The following CYREN variants were observed in gnomAD, a reference collection of about 807,000 sequenced individuals.
CYREN encodes cell cycle regulator of NHEJ, also known as cell cycle regulator of non-homologous end joining.
CYREN carries 7 observed loss-of-function variants against 9.7 expected under a neutral mutation model. The ratio of observed to expected loss-of-function variants is 0.72; its 90% CI spans 0.41 to 1.36. The LOEUF (loss-of-function observed/expected upper bound fraction) is 1.36. Ranked by LOEUF, CYREN falls within the 40% of genes most tolerant of loss-of-function variation. The probability of loss-of-function intolerance (pLI) is 0.01; values close to 1 mark genes in which losing one functional copy is unlikely to be tolerated. For missense variants in CYREN, 215 were observed against 198.1 expected (o/e 1.09, Z -0.51); for synonymous variants, 76 against 77.9 (o/e 0.98, Z 0.13).
At chr7:135,113,198 T>G (rs1825878398) in intron 2 of CYREN, among the ~76,000 whole-genome samples, 1 of 152,240 alleles carries the variant, frequency 6.6e-6, no homozygotes, top group South Asian at 2.1e-4. Flanking sequence ...CAGATCTAGC[T>G]TAAAGCAATG....
At chr7:135,137,906 G>A (rs1324014230) in intron 2 of CYREN, among the ~76,000 whole-genome samples, 3 of 151,948 alleles carry the variant, frequency 2.0e-5, no homozygotes, top group East Asian at 1.9e-4. Context: ...ATCATCCCAC[G>A]TCTCTTCTTA....
chr7:135,167,047 C>A (rs1026204704), intron 3 of CYREN, 176 bp from the exon 4 acceptor site: 4 of 985,188 alleles, frequency 4.1e-6, no homozygotes, highest in Non-Finnish European at 4.8e-6. Context: ...TTCCCCTGAC[C>A]CCCTCTTCAC....
chr7:135,102,817 A>G (rs73153771), intron 2 of CYREN, among the ~76,000 whole-genome samples: 18,071 of 152,138 alleles, frequency 0.12, 1,205 homozygotes, highest in East Asian at 0.19. Flanking sequence ...AAAATCATAA[A>G]AACTTATAGG....
At chr7:135,130,067 AGACATTCT>A (rs906979042) in intron 2 of CYREN, among the ~76,000 whole-genome samples, 69 of 152,272 alleles carry the variant, frequency 4.5e-4, no homozygotes, top group African/African-American at 1.5e-3. Context: ...CTTCCCTCTA[AGACATTCT>A]GTTGGAGTTC....
chr7:135,099,839 A>G (rs10954483), intron 2 of CYREN: 65,193 of 148,024 alleles, frequency 0.44, 14,963 homozygotes, highest in East Asian at 0.78. Context: ...ATCTAGTTAG[A>G]TATTTATTTC....
At chr7:135,161,603 G>A (rs746238866), downstream of CYREN, among the ~76,000 whole-genome samples, 4 of 152,096 alleles carry the variant, frequency 2.6e-5, no homozygotes, top group African/African-American at 7.2e-5. This position sits in a 1 kb window ranked among gnomAD's most constrained non-coding sequence, Gnocchi z 4.1. Context: ...TGTTCCCGTC[G>A]GCAATTTTTC....
intron 2 of CYREN, among the ~76,000 whole-genome samples, chr7:135,127,494 A>G (rs976366103): frequency 6.6e-6 from 1 of 151,942 alleles, no homozygotes; most frequent in African/African-American, 2.4e-5. Context: ...CGGAGGTTGC[A>G]GTGAGCCAAG....
intron 2 of CYREN, among the ~76,000 whole-genome samples, chr7:135,145,369 T>C (rs1167158802): frequency 6.6e-6 from 1 of 152,122 alleles, no homozygotes; most frequent in Non-Finnish European, 1.5e-5. Flanking sequence ...ACTGAATAAA[T>C]GGAGAAAGAG....
intron 2 of CYREN, among the ~76,000 whole-genome samples, chr7:135,098,088 C>A (rs910250151): frequency 4.6e-5 from 7 of 152,084 alleles, no homozygotes; most frequent in African/African-American, 1.7e-4. Context: ...GCCTAAATGA[C>A]AAACAGTTAG....
intron 2 of CYREN, among the ~76,000 whole-genome samples, chr7:135,111,110 C>A (rs1382371200): frequency 6.6e-6 from 1 of 152,136 alleles, no homozygotes; most frequent in African/African-American, 2.4e-5. Context: ...ACATATAAAA[C>A]AGAAACAAAA....
intron 2 of CYREN, among the ~76,000 whole-genome samples, chr7:135,147,382 T>C (rs1829567444): frequency 1.3e-5 from 2 of 152,160 alleles, no homozygotes; most frequent in South Asian, 4.1e-4. Flanking sequence ...AGAGAACCGC[T>C]GAAGGATTCA....
At chr7:135,100,327 G>C (rs183872233) in intron 2 of CYREN, among the ~76,000 whole-genome samples, 2 of 152,254 alleles carry the variant, frequency 1.3e-5, no homozygotes, top group East Asian at 1.9e-4. Context: ...CTAAAAACTG[G>C]AGAAAGAAGA....
At chr7:135,111,070 C>T (rs763539202) in intron 2 of CYREN, among the ~76,000 whole-genome samples, 4 of 152,200 alleles carry the variant, frequency 2.6e-5, no homozygotes, top group Non-Finnish European at 5.9e-5. Flanking sequence ...CTCCCCTTTA[C>T]CCTCAGTAGA....
exon 3 of CYREN, chr7:135,093,707 T>C (rs1004750780): frequency 6.6e-6 from 1 of 152,182 alleles, no homozygotes; most frequent in Non-Finnish European, 1.5e-5. Context: ...TTCAGTGCAA[T>C]CCCTATCAAA....
intron 2 of CYREN, among the ~76,000 whole-genome samples, chr7:135,110,190 G>A (rs1159039215): frequency 6.6e-6 from 1 of 152,106 alleles, no homozygotes; most frequent in Non-Finnish European, 1.5e-5. Context: ...TCTGTCTCAG[G>A]GAGGTACAAC....
At chr7:135,154,930 G>A (rs1829752800) in intron 2 of CYREN, among the ~76,000 whole-genome samples, 1 of 152,164 alleles carries the variant, frequency 6.6e-6, no homozygotes, top group East Asian at 1.9e-4. Context: ...AGTGTTGTGA[G>A]TGGAGTGTTA....
intron 2 of CYREN, among the ~76,000 whole-genome samples, chr7:135,134,583 A>G (rs149415397): frequency 0.019 from 2,961 of 152,132 alleles, 44 homozygotes; most frequent in Non-Finnish European, 0.03. Context: ...AGTGGCTATT[A>G]TATTAGGAAG....
At chr7:135,109,754 A>G (rs760309168) in intron 2 of CYREN, among the ~76,000 whole-genome samples, 9 of 152,166 alleles carry the variant, frequency 5.9e-5, no homozygotes, top group Non-Finnish European at 1.2e-4. Context: ...CAGTCTGACC[A>G]CTTTTATGGA....
intron 2 of CYREN, among the ~76,000 whole-genome samples, chr7:135,136,728 A>G (rs1246553260): frequency 6.6e-6 from 1 of 152,080 alleles, no homozygotes; most frequent in African/African-American, 2.4e-5. Flanking sequence ...TTTTTAATTC[A>G]GTGAAATGTC....
Sources: gnomAD v4.1 joint callset for allele counts (sites outside exome capture counted in the v4.1 genomes callset) on GRCh38, gnomAD v4.1.1 for gene constraint, Gnocchi (gnomAD v3.1) non-coding constraint, MANE v1.5 for transcripts, NCBI Gene and HGNC (gene_info 2026-07-23, HGNC 2026-07-21) for gene names.